Variants in MARCHF11 observed in about 807,000 individuals in gnomAD.
MARCHF11 encodes the protein E3 ubiquitin-protein ligase MARCHF11.
In MARCHF11, 29 loss-of-function variants were observed where a neutral mutation model predicts 37.3. The ratio of observed to expected loss-of-function variants is 0.78; its 90% confidence interval spans 0.58 to 1.06. MARCHF11 has a LOEUF of 1.06. MARCHF11 is among the 50% of genes least tolerant of loss of function. The pLI, the probability that MARCHF11 is intolerant of heterozygous loss-of-function variation, is 0.00. For missense variants in MARCHF11, 482 were observed against 533.4 expected (o/e 0.90, Z 0.95); for synonymous variants, 233 against 228.0 (o/e 1.02, Z -0.20).
At chr5:16,076,991 C>G (rs1263279737) in intron 3 of MARCHF11, among the ~76,000 whole-genome samples, 2 of 152,192 alleles carry the variant, frequency 1.3e-5, no homozygotes, top group African/African-American at 2.4e-5. Flanking sequence ...AAATTTTTCT[C>G]TGGCCTTTAT....
intron 2 of MARCHF11, among the ~76,000 whole-genome samples, chr5:16,118,577 C>T (rs980141040): frequency 6.6e-5 from 10 of 152,114 alleles, no homozygotes; most frequent in South Asian, 4.1e-4. Flanking sequence ...CAAGAGACAA[C>T]GTCACCTAGG....
intron 3 of MARCHF11, among the ~76,000 whole-genome samples, chr5:16,068,861 G>A (rs116514961): frequency 0.023 from 3,551 of 152,308 alleles, 135 homozygotes; most frequent in African/African-American, 0.081. Context: ...AGAGATCAAT[G>A]AATATCCTTT....
chr5:16,167,362 G>A (rs1253989261), intron 2 of MARCHF11, among the ~76,000 whole-genome samples: 2 of 152,094 alleles, frequency 1.3e-5, no homozygotes, highest in Non-Finnish European at 2.9e-5. Context: ...TCCAAAGGCT[G>A]ATACATTCCA....
intron 2 of MARCHF11, among the ~76,000 whole-genome samples, chr5:16,121,492 A>G (rs1297375802): frequency 1.3e-5 from 2 of 152,234 alleles, no homozygotes; most frequent in Non-Finnish European, 1.5e-5. Flanking sequence ...AGAAAATATA[A>G]AATAGCAATA....
At chr5:16,109,677 A>G (rs554791241) in intron 2 of MARCHF11, among the ~76,000 whole-genome samples, 1 of 152,318 alleles carries the variant, frequency 6.6e-6, no homozygotes, top group East Asian at 1.9e-4. Flanking sequence ...ATGGAAACCC[A>G]CAACTTATAG....
intron 2 of MARCHF11, among the ~76,000 whole-genome samples, chr5:16,097,471 T>A (rs554522847): frequency 6.6e-6 from 1 of 152,270 alleles, no homozygotes; most frequent in East Asian, 1.9e-4. Context: ...ATAGAACCAT[T>A]TCTCTGGAAA....
intron 2 of MARCHF11, among the ~76,000 whole-genome samples, chr5:16,169,408 A>G (rs2126609141): frequency 6.6e-6 from 1 of 152,274 alleles, no homozygotes; most frequent in Middle Eastern, 3.4e-3. Context: ...CATCCATTGT[A>G]CAGGTGTCAT....
intron 2 of MARCHF11, among the ~76,000 whole-genome samples, chr5:16,176,984 C>T (rs574034329): frequency 6.6e-6 from 1 of 152,218 alleles, no homozygotes; most frequent in East Asian, 1.9e-4. Context: ...TTATATTCTA[C>T]CTGTCTGTTC....
At chr5:16,070,621 T>C (rs1055750878) in intron 3 of MARCHF11, among the ~76,000 whole-genome samples, 1 of 152,198 alleles carries the variant, frequency 6.6e-6, no homozygotes, top group Non-Finnish European at 1.5e-5. Context: ...TTAAAGTCAC[T>C]TTCTGGGAAT....
At chr5:16,069,805 G>C (rs1264133329) in intron 3 of MARCHF11, among the ~76,000 whole-genome samples, 1 of 152,084 alleles carries the variant, frequency 6.6e-6, no homozygotes, top group African/African-American at 2.4e-5. Flanking sequence ...TTCTTGGACA[G>C]ACTATTACCT....
intron 2 of MARCHF11, among the ~76,000 whole-genome samples, chr5:16,099,715 T>C (rs535196087): frequency 1.3e-5 from 2 of 152,308 alleles, no homozygotes; most frequent in Admixed American, 6.5e-5. Flanking sequence ...CCAAAAGAAT[T>C]AGGCATGAGA....
At chr5:16,166,840 T>C (rs1738176676) in intron 2 of MARCHF11, among the ~76,000 whole-genome samples, 1 of 152,040 alleles carries the variant, frequency 6.6e-6, no homozygotes, top group Non-Finnish European at 1.5e-5. Flanking sequence ...ATACTCTTTT[T>C]AATCATCCAG....
At chr5:16,119,616 A>G (rs1270862501) in intron 2 of MARCHF11, among the ~76,000 whole-genome samples, 1 of 151,940 alleles carries the variant, frequency 6.6e-6, no homozygotes, top group Non-Finnish European at 1.5e-5. Flanking sequence ...AAATCTCCAG[A>G]GCCATGATAA....
At chr5:16,098,283 C>T (rs1560973918) in intron 2 of MARCHF11, among the ~76,000 whole-genome samples, 1 of 152,096 alleles carries the variant, frequency 6.6e-6, no homozygotes, top group Non-Finnish European at 1.5e-5. Flanking sequence ...TACTTCTATT[C>T]GACCTTGCAC....
At chr5:16,168,887 T>C (rs1738213228) in intron 2 of MARCHF11, among the ~76,000 whole-genome samples, 2 of 152,088 alleles carry the variant, frequency 1.3e-5, no homozygotes, top group African/African-American at 2.4e-5. Flanking sequence ...TGTATACATA[T>C]TTATGTTTTT....
At chr5:16,072,870 C>T (rs1441916708) in intron 3 of MARCHF11, among the ~76,000 whole-genome samples, 2 of 151,802 alleles carry the variant, frequency 1.3e-5, no homozygotes, top group African/African-American at 2.4e-5. Context: ...GGAAGGGAGA[C>T]GAGGGAGTGG....
At chr5:16,114,487 A>G (rs1737199014) in intron 2 of MARCHF11, among the ~76,000 whole-genome samples, 1 of 152,114 alleles carries the variant, frequency 6.6e-6, no homozygotes, top group Non-Finnish European at 1.5e-5. Context: ...AACATGTCCT[A>G]AATGTTTTTA....
At chr5:16,166,925 G>A (rs1221627380) in intron 2 of MARCHF11, among the ~76,000 whole-genome samples, 1 of 144,422 alleles carries the variant, frequency 6.9e-6, no homozygotes, top group African/African-American at 2.7e-5. Context: ...GTGTACATAT[G>A]TGTGTATGTA....
At chr5:16,102,754 CTG>C (rs1736979155) in intron 2 of MARCHF11, among the ~76,000 whole-genome samples, 1 of 152,188 alleles carries the variant, frequency 6.6e-6, no homozygotes, top group Non-Finnish European at 1.5e-5. Context: ...GGTCAAGAGG[CTG>C]TCACACTGAC....
Sources: allele counts gnomAD v4.1 joint callset (sites outside exome capture counted in the v4.1 genomes callset), GRCh38; gene constraint gnomAD v4.1.1; transcripts MANE v1.5; gene names NCBI Gene and HGNC (gene_info 2026-07-23, HGNC 2026-07-21).